IGFBP7: variants seen among roughly 807,000 people sequenced by gnomAD.
The protein encoded by IGFBP7 is insulin like growth factor binding protein 7.
Under a neutral mutation model 29.4 loss-of-function variants are expected in IGFBP7, and 31 were observed. The observed-to-expected ratio is 1.05, with a 90% CI of 0.79 to 1.42. IGFBP7 has a LOEUF of 1.42. IGFBP7 is among the 40% of genes most tolerant of loss of function. The pLI, the probability that IGFBP7 is intolerant of heterozygous loss-of-function variation, is 0.00. For synonymous variants in IGFBP7, 172 were observed against 174.9 expected, an observed-to-expected ratio of 0.98 and a Z score of 0.13; for missense variants, 393 against 395.5, an observed-to-expected ratio of 0.99 and a Z score of 0.05.
chr4:57,082,108 C>T (rs1468486107), intron 1 of IGFBP7, among the ~76,000 whole-genome samples: 2 of 152,100 alleles, frequency 1.3e-5, no homozygotes, highest in East Asian at 1.9e-4. Context: ...TTTCTCCCCA[C>T]ATTTTACTTA....
chr4:57,038,612 A>T (rs574660784), intron 2 of IGFBP7, among the ~76,000 whole-genome samples: 11 of 152,284 alleles, frequency 7.2e-5, no homozygotes, highest in African/African-American at 2.4e-4. Context: ...ACTATCATCC[A>T]CCTTAGAGCT....
At chr4:57,059,646 C>T (rs1048975025) in intron 1 of IGFBP7, among the ~76,000 whole-genome samples, 1 of 152,086 alleles carries the variant, frequency 6.6e-6, no homozygotes, top group Non-Finnish European at 1.5e-5. Context: ...CTATTGGGTA[C>T]TAGGCCTAAC....
chr4:57,042,801 A>G (rs1447982732), intron 1 of IGFBP7, among the ~76,000 whole-genome samples: 1 of 152,262 alleles, frequency 6.6e-6, no homozygotes, highest in Non-Finnish European at 1.5e-5. Flanking sequence ...GTTGTGGCTG[A>G]GACTGTATGG....
chr4:57,074,016 G>A (rs137886452), intron 1 of IGFBP7, among the ~76,000 whole-genome samples: 97 of 151,870 alleles, frequency 6.4e-4, no homozygotes, highest in African/African-American at 2.3e-3. Flanking sequence ...TCTGCCCATC[G>A]TACTTTCCTC....
At chr4:57,034,061 A>AC (rs1553913037) in intron 2 of IGFBP7, among the ~76,000 whole-genome samples, 46 of 151,194 alleles carry the variant, frequency 3.0e-4, no homozygotes, top group African/African-American at 1.0e-3. Context: ...AAAAAAAAAA[A>AC]AAAAAAACAG....
At chr4:57,084,886 G>A (rs1202947245) in intron 1 of IGFBP7, among the ~76,000 whole-genome samples, 1 of 145,856 alleles carries the variant, frequency 6.9e-6, no homozygotes, top group Non-Finnish European at 1.5e-5. Context: ...AGACTCCTGG[G>A]CTCAGTTTGT....
At chr4:57,098,603 A>G (rs1189122428) in intron 1 of IGFBP7, among the ~76,000 whole-genome samples, 1 of 152,214 alleles carries the variant, frequency 6.6e-6, no homozygotes, top group Non-Finnish European at 1.5e-5. Flanking sequence ...TCTGGCTCCG[A>G]AGCCCTGGCC....
At chr4:57,033,047 G>A in intron 3 of IGFBP7, 148 bp downstream of exon 3, 1 of 735,300 alleles carries the variant, frequency 1.4e-6, no homozygotes, top group African/African-American at 1.7e-5. Context: ...TCTGAAAGAG[G>A]AGCAGCGACT....
chr4:57,110,196 C>T lies in IGFBP7; in HGVS notation c.156G>A (p.Glu52=). ...GGCAGCAGCCGCACGCGTCGCGGGT[C>T]TCGCCCAGCAGGCAGCCCAGCGGGG... ...PLPPLGCLLG[E]TRDACGCCPM... Residue 52 remains glutamate (E), a synonymous_variant, in exon 1 of 5, where the codon GAG becomes GAA. Coordinates refer to ENST00000295666, the MANE Select transcript of IGFBP7 (RefSeq NM_001553.3). The T allele has an allele frequency of 7.2e-7, 1 of 1,384,552 alleles. No homozygotes were observed. Among genetic ancestry groups the T allele is most frequent in the South Asian group, 1.7e-5 (1 of 59,840 alleles). 85.8% of individuals were successfully genotyped at this position (1,384,552 alleles called of 1,614,324 possible). A position where few individuals can be genotyped will look rare whatever the true frequency, so the allele number is the denominator to read the frequency against.
At chr4:57,070,774 C>A (rs1725034486) in intron 1 of IGFBP7, among the ~76,000 whole-genome samples, 1 of 152,202 alleles carries the variant, frequency 6.6e-6, no homozygotes, top group Admixed American at 6.5e-5. Flanking sequence ...CACAAACTGG[C>A]CGCAGGGGTA....
intron 1 of IGFBP7, among the ~76,000 whole-genome samples, chr4:57,100,071 CTTTTTTTT>C (rs10669251): frequency 8.6e-6 from 1 of 115,754 alleles, no homozygotes; most frequent in Non-Finnish European, 1.6e-5. Context: ...TCTTTTCTTT[CTTTTTTTT>C]TTTTTTTTTG....
intron 1 of IGFBP7, among the ~76,000 whole-genome samples, chr4:57,105,633 G>A (rs937366719): frequency 2.0e-5 from 3 of 152,174 alleles, no homozygotes; most frequent in Non-Finnish European, 4.4e-5. Flanking sequence ...GGGCAGACAG[G>A]TCAAATAACT....
chr4:57,032,310 G>A (rs1723950943), intron 4 of IGFBP7, 116 bp downstream of exon 4: 2 of 1,489,948 alleles, frequency 1.3e-6, no homozygotes, highest in South Asian at 1.4e-5. Context: ...GCCCTTATGG[G>A]TTGCTAACTA....
intron 1 of IGFBP7, among the ~76,000 whole-genome samples, chr4:57,086,549 G>C (rs903966859): frequency 1.1e-4 from 16 of 152,162 alleles, no homozygotes; most frequent in African/African-American, 3.9e-4. Flanking sequence ...CAGCCTGCAG[G>C]CTTGGTGGCA....
rs1310459355 is a variant in IGFBP7 at position 57,110,085 on chromosome 4, C to T, written c.267G>A (p.Lys89=). 5 of 1,552,842 alleles carry T rather than the reference C, an allele frequency of 3.2e-6. No individual in the cohort carries two copies. Among genetic ancestry groups the T allele is most frequent in the Non-Finnish European group, 4.3e-6 (5 of 1,155,404 alleles). ...GYCAPGMECV[K]SRKRRKGKAG... is the part of the protein sequence containing the mutation. The stretch of plus-strand genomic sequence containing the variant: ...CTTTACCCTTCCGCCTCTTGCGGCT[C>T]TTCACGCACTCCATGCCCGGCGCGC... The change falls in exon 1 of 5, where the codon AAG becomes AAA. Residue 89 remains lysine (K), a synonymous_variant. Coordinates refer to ENST00000295666, the MANE Select transcript of IGFBP7 (RefSeq NM_001553.3).
intron 1 of IGFBP7, chr4:57,072,667 T>G: frequency 3.2e-6 from 1 of 309,994 alleles, no homozygotes; most frequent in Non-Finnish European, 6.2e-6. Flanking sequence ...CCAGCAGGGG[T>G]GCTGCCCGGT....
chr4:57,050,833 C>G (rs1724487426), intron 1 of IGFBP7, among the ~76,000 whole-genome samples: 1 of 151,724 alleles, frequency 6.6e-6, no homozygotes, highest in South Asian at 2.1e-4. Flanking sequence ...GCTGGGGTTA[C>G]AGGCATGAGC....
In IGFBP7 at chr4:57,109,276, C is replaced by CAA. The variant is rs145217955; in HGVS notation, c.475+599_475+600dup. ...CGCTATAAAACAAAACAAAACAAAA[C>CAA]AAAAAACCAAAAATTGGCCAGGCGT... On this transcript the variant is annotated intron_variant, in intron 1 of 4. Transcript: ENST00000295666. 4.0e-5 allele frequency among the ~76,000 whole-genome samples: 6 copies of CAA among 151,844 alleles called. No individual in the cohort carries two copies. In the East Asian group the frequency reaches 7.8e-4, roughly 20 times the overall value.
chr4:57,104,158 C>T (rs934353827), intron 1 of IGFBP7, among the ~76,000 whole-genome samples: 1 of 152,064 alleles, frequency 6.6e-6, no homozygotes, highest in Non-Finnish European at 1.5e-5. Flanking sequence ...TTCCAGGTCC[C>T]CTCATGTTGT....
Sources: allele counts gnomAD v4.1 joint callset (sites outside exome capture counted in the v4.1 genomes callset), GRCh38; gene constraint gnomAD v4.1.1; transcripts MANE v1.5; gene names NCBI Gene and HGNC (gene_info 2026-07-23, HGNC 2026-07-21).